Variants in DLG2 observed in about 807,000 individuals in gnomAD.
DLG2 encodes the protein disks large homolog 2.
In DLG2, 45 loss-of-function variants were observed where a neutral mutation model predicts 132.5. That is an observed-to-expected ratio of 0.34 (90% confidence interval 0.27 to 0.44). The LOEUF (loss-of-function observed/expected upper bound fraction) is 0.44, where lower values mean the gene tolerates loss of function less well. Among genes scored for constraint, DLG2 ranks in the 20% least tolerant of loss-of-function variants. The pLI is 1.00. For synonymous variants in DLG2, 424 were observed against 419.6 expected (o/e 1.01, Z -0.13); for missense variants, 1,045 against 1,196.9 (o/e 0.87, Z 1.87).
chr11:85,171,740 C>G (rs2078893532), intron 4 of DLG2, among the ~76,000 whole-genome samples: 1 of 152,176 alleles, frequency 6.6e-6, no homozygotes, highest in Non-Finnish European at 1.5e-5. Context: ...AGGGCAGCCA[C>G]CATCTCTGAA....
At chr11:83,689,983 T>TTATAATAC (rs1486243988) in intron 18 of DLG2, among the ~76,000 whole-genome samples, 1 of 132,670 alleles carries the variant, frequency 7.5e-6, no homozygotes, top group Non-Finnish European at 1.6e-5. Context: ...TATTATAATA[T>TTATAATAC]ATTTATTATA....
intron 18 of DLG2, among the ~76,000 whole-genome samples, chr11:83,657,534 C>CTTTTTTTTTTTTTTT (rs540422330): frequency 2.1e-5 from 2 of 93,398 alleles, no homozygotes; most frequent in Non-Finnish European, 4.0e-5. Context: ...ATTGTCTATT[C>CTTTTTTTTTTTTTTT]TTTTTTTTTT....
chr11:85,084,896 T>C (rs2067709606), intron 6 of DLG2, among the ~76,000 whole-genome samples: 1 of 152,148 alleles, frequency 6.6e-6, no homozygotes, highest in Non-Finnish European at 1.5e-5. Flanking sequence ...TTTCTCAAAA[T>C]GGTATAAATT....
chr11:84,720,133 G>C (rs561704131), intron 6 of DLG2, among the ~76,000 whole-genome samples: 1 of 152,304 alleles, frequency 6.6e-6, no homozygotes. Flanking sequence ...CAGAAAATCA[G>C]TGCGATCTCT....
At chr11:83,642,501 G>C (rs561008963) in intron 18 of DLG2, among the ~76,000 whole-genome samples, 6 of 152,254 alleles carry the variant, frequency 3.9e-5, no homozygotes, top group Non-Finnish European at 7.4e-5. Flanking sequence ...GTGAAATAAA[G>C]TAAGTTTTAT....
At chr11:85,599,159 G>A (rs1326075322) in intron 2 of DLG2, among the ~76,000 whole-genome samples, 1 of 152,012 alleles carries the variant, frequency 6.6e-6, no homozygotes, top group Non-Finnish European at 1.5e-5. Context: ...TCCCTCCCAT[G>A]ATCAAATATT....
chr11:84,948,397 G>A (rs1480796172), intron 6 of DLG2, among the ~76,000 whole-genome samples: 1 of 152,168 alleles, frequency 6.6e-6, no homozygotes, highest in Non-Finnish European at 1.5e-5. Flanking sequence ...AGCCCTGATG[G>A]CAGTCATGTG....
intron 19 of DLG2, among the ~76,000 whole-genome samples, chr11:83,591,747 T>C (rs936303991): frequency 1.3e-5 from 2 of 152,204 alleles, no homozygotes; most frequent in African/African-American, 2.4e-5. Context: ...AAAACTCCAT[T>C]GTCTCAGCCC....
intron 3 of DLG2, among the ~76,000 whole-genome samples, chr11:85,311,360 A>G (rs747185448): frequency 6.6e-6 from 1 of 152,168 alleles, no homozygotes; most frequent in Non-Finnish European, 1.5e-5. Flanking sequence ...CTTTGAGGCC[A>G]ATGCTGTTAT....
chr11:84,710,997 CATATATATATAG>C (rs1381913580), intron 6 of DLG2, among the ~76,000 whole-genome samples: 4 of 96,156 alleles, frequency 4.2e-5, no homozygotes, highest in East Asian at 2.3e-4. Flanking sequence ...CAAGTACATT[CATATATATATAG>C]ATATATATAT....
chr11:83,798,149 G>C (rs1256158620), intron 17 of DLG2, among the ~76,000 whole-genome samples: 3 of 152,214 alleles, frequency 2.0e-5, no homozygotes, highest in African/African-American at 7.2e-5. Context: ...TGCCTGCTCT[G>C]AAAGCAGTGT....
At chr11:83,902,639 C>T (rs539103113) in intron 15 of DLG2, among the ~76,000 whole-genome samples, 51 of 152,138 alleles carry the variant, frequency 3.4e-4, no homozygotes, top group Non-Finnish European at 8.8e-5. Context: ...CTGAAATGGG[C>T]AGTGGACTTC....
chr11:83,506,151 A>C (rs2139501668), intron 21 of DLG2, among the ~76,000 whole-genome samples: 1 of 152,344 alleles, frequency 6.6e-6, no homozygotes, highest in East Asian at 1.9e-4. Context: ...ACCCGTAGTC[A>C]AACGTTCAGT....
intron 6 of DLG2, among the ~76,000 whole-genome samples, chr11:84,947,451 T>C (rs1194845562): frequency 3.3e-5 from 5 of 152,204 alleles, no homozygotes; most frequent in African/African-American, 1.2e-4. Flanking sequence ...AGAACAAATA[T>C]TATCTGCAAA....
At chr11:84,224,727 A>T (rs1217796599) in intron 8 of DLG2, among the ~76,000 whole-genome samples, 1 of 152,170 alleles carries the variant, frequency 6.6e-6, no homozygotes, top group Non-Finnish European at 1.5e-5. Context: ...CTTAACTATT[A>T]TACCATGCGC....
At chr11:84,298,777 G>C (rs556419310) in intron 7 of DLG2, among the ~76,000 whole-genome samples, 9 of 152,324 alleles carry the variant, frequency 5.9e-5, no homozygotes, top group African/African-American at 2.2e-4. Flanking sequence ...ATTACAGAGA[G>C]AGAGAGAGAA....
In DLG2 at chr11:83,655,061, T is replaced by A. The variant is rs560680653; in HGVS notation, c.1826-21736A>T. Among the ~76,000 whole-genome samples, 6 of 152,334 alleles carry A rather than the reference T, an allele frequency of 3.9e-5. No homozygotes were observed. The South Asian group carries it at 8.3e-4, about 21-fold the overall frequency. ...TGAAGTAGACGCTTAATAAATGAGG[T>A]GCCCTCTGTGCTCCCACACATCCAT... On this transcript the variant is annotated intron_variant, in intron 18 of 27. Coordinates refer to ENST00000376104, the MANE Select transcript of DLG2 (RefSeq NM_001142699.3).
intron 15 of DLG2, among the ~76,000 whole-genome samples, chr11:83,883,020 T>C (rs572657202): frequency 2.0e-5 from 3 of 152,276 alleles, no homozygotes; most frequent in Admixed American, 1.3e-4. Flanking sequence ...ATGACGAACA[T>C]GGCAGCCCAA....
In DLG2 at chr11:83,690,330, A is replaced by T. The variant is rs193136460; in HGVS notation, c.1826-57005T>A. Among the ~76,000 whole-genome samples the T allele has an allele frequency of 1.0e-3, 153 of 151,638 alleles. 1 individual carries two copies. The highest frequency in any genetic ancestry group is 8.9e-3 in the South Asian group (43 of 4,830). ...GAATTGAAGAAGCAACACTGGGACAATAGAAAAAACCCAAAAACTCTGTGG... is the reference window on the plus strand; with the variant it reads ...GAATTGAAGAAGCAACACTGGGACATTAGAAAAAACCCAAAAACTCTGTGG... On this transcript the variant is annotated intron_variant, in intron 18 of 27. Coordinates refer to ENST00000376104, the MANE Select transcript of DLG2 (RefSeq NM_001142699.3).
Sources: gnomAD v4.1 joint callset for allele counts (sites outside exome capture counted in the v4.1 genomes callset) on GRCh38, gnomAD v4.1.1 for gene constraint, MANE v1.5 for transcripts, NCBI Gene and HGNC (gene_info 2026-07-23, HGNC 2026-07-21) for gene names.